The following MAP3K20 variants were observed in gnomAD, a reference collection of about 807,000 sequenced individuals.
MAP3K20 encodes mitogen-activated protein kinase kinase kinase 20.
MAP3K20 carries 40 observed loss-of-function variants against 85.7 expected under a neutral mutation model. The observed-to-expected ratio is 0.47, with a 90% CI of 0.36 to 0.61. The LOEUF (loss-of-function observed/expected upper bound fraction) is 0.61, where lower values mean the gene tolerates loss of function less well. MAP3K20 is among the 20% of genes least tolerant of loss of function. The pLI is 0.00. For synonymous variants in MAP3K20, 325 were observed against 327.7 expected, an observed-to-expected ratio of 0.99 and a Z score of 0.09; for missense variants, 817 against 961.7, an observed-to-expected ratio of 0.85 and a Z score of 1.99.
intron 16 of MAP3K20, among the ~76,000 whole-genome samples, chr2:173,243,118 C>T (rs1295053191): frequency 6.6e-6 from 1 of 152,124 alleles, no homozygotes; most frequent in Non-Finnish European, 1.5e-5. Context: ...ACAATCCCAG[C>T]CTTTACAGAA....
At chr2:173,183,726 A>G (rs1473815289) in intron 4 of MAP3K20, among the ~76,000 whole-genome samples, 2 of 152,156 alleles carry the variant, frequency 1.3e-5, no homozygotes, top group Non-Finnish European at 2.9e-5. Context: ...AACCCCTACA[A>G]AGTGTGTCTG....
chr2:173,099,309 T>TTTG (rs1165368809), intron 2 of MAP3K20, among the ~76,000 whole-genome samples: 2 of 149,246 alleles, frequency 1.3e-5, no homozygotes, highest in African/African-American at 2.5e-5. Context: ...TTTTGTTTGT[T>TTTG]TGTTTTGTGT....
intron 1 of MAP3K20, among the ~76,000 whole-genome samples, chr2:173,084,424 C>CGA (rs1553562251): frequency 7.3e-6 from 1 of 136,556 alleles, no homozygotes; most frequent in African/African-American, 2.7e-5. Flanking sequence ...CCAAAAAGTG[C>CGA]AAAAAAAAAA....
intron 2 of MAP3K20, among the ~76,000 whole-genome samples, chr2:173,154,094 G>T (rs1689385485): frequency 6.6e-6 from 1 of 151,860 alleles, no homozygotes; most frequent in Non-Finnish European, 1.5e-5. Context: ...TTACCTGCCT[G>T]TTACCCTATC....
intron 19 of MAP3K20, 50 bp from the exon 20 acceptor site, chr2:173,266,000 A>G: frequency 1.3e-6 from 2 of 1,507,776 alleles, no homozygotes; most frequent in African/African-American, 1.4e-5. Flanking sequence ...TGAATTAGAC[A>G]TGCAGCTTTA....
chr2:173,104,670 C>T (rs558881440), intron 2 of MAP3K20, among the ~76,000 whole-genome samples: 2 of 152,270 alleles, frequency 1.3e-5, no homozygotes, highest in East Asian at 1.9e-4. Flanking sequence ...CTATCTGTAC[C>T]ATCTTTGCAA....
intron 16 of MAP3K20, among the ~76,000 whole-genome samples, chr2:173,241,460 A>G (rs547784087): frequency 2.0e-5 from 3 of 152,130 alleles, no homozygotes; most frequent in Non-Finnish European, 4.4e-5. Flanking sequence ...AAAAAATACA[A>G]AAAGTAGCTG....
intron 1 of MAP3K20, among the ~76,000 whole-genome samples, chr2:173,080,678 T>A (rs1289393158): frequency 6.6e-6 from 1 of 152,184 alleles, no homozygotes; most frequent in Admixed American, 6.5e-5. Context: ...GGTGGGAGCA[T>A]TCCTACCATA....
At chr2:173,130,208 A>G (rs1688568265) in intron 2 of MAP3K20, among the ~76,000 whole-genome samples, 1 of 152,244 alleles carries the variant, frequency 6.6e-6, no homozygotes, top group East Asian at 1.9e-4. Context: ...TAAATTTTCA[A>G]CAGTAAAAAA....
chr2:173,131,646 A>G (rs115134470), intron 2 of MAP3K20, among the ~76,000 whole-genome samples: 3,430 of 152,318 alleles, frequency 0.023, 86 homozygotes, highest in Non-Finnish European at 0.029. Context: ...AGAAGAAAGT[A>G]TTTTAATCAA....
At position 173,204,805 on chromosome 2, in the gene MAP3K20, TTAAAAAA is replaced by T. The variant is rs200796613; in HGVS notation, c.744+945_744+951del. 2.0e-4 allele frequency among the ~76,000 whole-genome samples: 31 copies of T among 152,080 alleles called. No homozygotes were observed. In the East Asian group the frequency reaches 3.9e-3, roughly 19 times the overall value. On this transcript the variant is annotated intron_variant, in intron 9 of 19. Transcript: ENST00000375213. Reference sequence around the variant, plus strand: ...ATATTTTGGAATTTTCCATAATGAGTTAAAAAATAAAAAATAGGCTGGGCGCGGTGGC... The same window carrying T: ...ATATTTTGGAATTTTCCATAATGAGTTAAAAAATAGGCTGGGCGCGGTGGC...
chr2:173,183,281 T>C (rs1690385474), intron 4 of MAP3K20, among the ~76,000 whole-genome samples: 1 of 152,182 alleles, frequency 6.6e-6, no homozygotes, highest in Non-Finnish European at 1.5e-5. Flanking sequence ...AAAATCATAG[T>C]TCTGTTGTTC....
At chr2:173,117,306 TCTCA>T (rs908240910) in intron 2 of MAP3K20, among the ~76,000 whole-genome samples, 2 of 152,156 alleles carry the variant, frequency 1.3e-5, no homozygotes, top group African/African-American at 2.4e-5. Context: ...TGAGACACCA[TCTCA>T]CTCTGTTGCC....
intron 11 of MAP3K20, among the ~76,000 whole-genome samples, chr2:173,228,827 AACTC>A (rs1438696132): frequency 1.3e-4 from 19 of 151,644 alleles, no homozygotes; most frequent in African/African-American, 2.7e-4. Flanking sequence ...TTTTTTTTGA[AACTC>A]ACTCACAAGA....
intron 1 of MAP3K20, among the ~76,000 whole-genome samples, chr2:173,076,611 CAGGAACAATGAACACTAA>C (rs563137420): frequency 6.6e-6 from 1 of 152,386 alleles, no homozygotes; most frequent in African/African-American, 2.4e-5. Flanking sequence ...GAATAACCAG[CAGGAACAATGAACACTAA>C]AGATTAGTTT....
At chr2:173,080,599 C>G (rs531580607) in intron 1 of MAP3K20, among the ~76,000 whole-genome samples, 1 of 152,330 alleles carries the variant, frequency 6.6e-6, no homozygotes, top group South Asian at 2.1e-4. Context: ...ACCTAATCAC[C>G]TCTTAAAGGT....
intron 3 of MAP3K20, among the ~76,000 whole-genome samples, chr2:173,176,322 A>G (rs1039963224): frequency 4.6e-5 from 7 of 152,280 alleles, no homozygotes; most frequent in East Asian, 1.9e-4. Context: ...AAAAATAAAA[A>G]CATAACATTG....
At chr2:173,107,964 A>G (rs1687831053) in intron 2 of MAP3K20, among the ~76,000 whole-genome samples, 1 of 152,136 alleles carries the variant, frequency 6.6e-6, no homozygotes, top group Admixed American at 6.5e-5. Flanking sequence ...CTTTTTTAAG[A>G]CTTATAGATA....
chr2:173,156,411 C>G (rs1422932871), intron 2 of MAP3K20, among the ~76,000 whole-genome samples: 2 of 152,098 alleles, frequency 1.3e-5, no homozygotes, highest in Middle Eastern at 3.2e-3. Context: ...AGAAGGGTTT[C>G]TAAGTGAGGT....
Sources: allele counts gnomAD v4.1 joint callset (sites outside exome capture counted in the v4.1 genomes callset), GRCh38; gene constraint gnomAD v4.1.1; transcripts MANE v1.5; gene names NCBI Gene and HGNC (gene_info 2026-07-23, HGNC 2026-07-21).